Variants in PDS5B observed in about 807,000 individuals in gnomAD.
PDS5B encodes the protein sister chromatid cohesion protein PDS5 homolog B.
In PDS5B, 51 loss-of-function variants were observed where a neutral mutation model predicts 184.1. That is an observed-to-expected ratio of 0.28 (90% CI 0.22 to 0.35). The LOEUF (loss-of-function observed/expected upper bound fraction) is 0.35, where lower values mean the gene tolerates loss of function less well. Ranked by LOEUF, PDS5B falls within the 10% of genes least tolerant of loss-of-function variation. PDS5B has a pLI of 1.00. For synonymous variants in PDS5B, 566 were observed against 569.2 expected (o/e 0.99, Z 0.08); for missense variants, 1,180 against 1,723.3 (o/e 0.68, Z 5.58).
chr13:32,617,283 T>G (rs938941759), intron 1 of PDS5B, among the ~76,000 whole-genome samples: 2 of 152,242 alleles, frequency 1.3e-5, no homozygotes, highest in Non-Finnish European at 2.9e-5. Context: ...CTTACAGAGT[T>G]GCTTGTTAGT....
At chr13:32,681,572 C>T (rs1264019092) in intron 10 of PDS5B, among the ~76,000 whole-genome samples, 3 of 151,218 alleles carry the variant, frequency 2.0e-5, no homozygotes, top group African/African-American at 2.4e-5. Flanking sequence ...TGCAGTAAGC[C>T]GAGAGATCGC....
intron 1 of PDS5B, among the ~76,000 whole-genome samples, chr13:32,630,883 C>T (rs1205441985): frequency 6.6e-6 from 1 of 151,124 alleles, no homozygotes; most frequent in African/African-American, 2.4e-5. Context: ...CTCCTGGATT[C>T]AAGTCATTCT....
chr13:32,602,489 G>A (rs1263424210), intron 1 of PDS5B, among the ~76,000 whole-genome samples: 1 of 152,144 alleles, frequency 6.6e-6, no homozygotes, highest in East Asian at 1.9e-4. Flanking sequence ...TCTTAATCCA[G>A]TCTATCTTTG....
At chr13:32,707,395 A>G (rs74045253) in intron 18 of PDS5B, among the ~76,000 whole-genome samples, 1 of 152,158 alleles carries the variant, frequency 6.6e-6, no homozygotes, top group African/African-American at 2.4e-5. Flanking sequence ...GATTGTAAAA[A>G]TATTAATTCA....
intron 1 of PDS5B, among the ~76,000 whole-genome samples, chr13:32,605,029 C>G (rs958475449): frequency 3.3e-5 from 5 of 152,140 alleles, no homozygotes; most frequent in South Asian, 4.1e-4. Flanking sequence ...AAACCAGCTC[C>G]TGGATTCATT....
chr13:32,765,595 TTTTTGTTTTG>T (rs202036157), intron 31 of PDS5B, among the ~76,000 whole-genome samples: 2 of 152,156 alleles, frequency 1.3e-5, no homozygotes, highest in Non-Finnish European at 2.9e-5. Flanking sequence ...GAATTATTCT[TTTTTGTTTTG>T]TTTTGTTTTG....
chr13:32,703,303 T>C (rs1480836667), intron 17 of PDS5B, among the ~76,000 whole-genome samples: 1 of 152,180 alleles, frequency 6.6e-6, no homozygotes, highest in African/African-American at 2.4e-5. Flanking sequence ...GACTAGGTTA[T>C]TGTAATGTTT....
chr13:32,742,585 A>T lies in PDS5B; in HGVS notation c.2476-6A>T. ...TGTTTTATTTGTCGACTTGTCTCTT[A>T]AATAGATTCAGGCTATTAAAATGAT... On this transcript the variant is annotated splice_polypyrimidine_tract_variant and splice_region_variant and intron_variant, in intron 22 of 34. Coordinates refer to ENST00000315596, the MANE Select transcript of PDS5B (RefSeq NM_015032.4). The T allele has an allele frequency of 6.2e-7, 1 of 1,606,014 alleles. No homozygotes were observed. The highest frequency in any genetic ancestry group is 8.5e-7 in the Non-Finnish European group (1 of 1,175,934).
At chr13:32,673,445 CTGAA>C in intron 8 of PDS5B, 89 bp downstream of exon 8, 1 of 1,089,152 alleles carries the variant, frequency 9.2e-7, no homozygotes, top group South Asian at 1.5e-5. Context: ...GTAGTTTTAA[CTGAA>C]TGTAAGAGAT....
At chr13:32,774,517 A>C (rs1204010553) in intron 34 of PDS5B, among the ~76,000 whole-genome samples, 2 of 152,196 alleles carry the variant, frequency 1.3e-5, no homozygotes, top group Non-Finnish European at 2.9e-5. Flanking sequence ...ACATTTTTTG[A>C]ACTAAAGTTT....
chr13:32,614,401 G>A (rs893521291), intron 1 of PDS5B, among the ~76,000 whole-genome samples: 2 of 151,614 alleles, frequency 1.3e-5, no homozygotes, highest in Non-Finnish European at 2.9e-5. Context: ...GGGTTCAGGC[G>A]ATTCTCATGC....
At chr13:32,594,297 C>T (rs892791384) in intron 1 of PDS5B, among the ~76,000 whole-genome samples, 11 of 152,142 alleles carry the variant, frequency 7.2e-5, no homozygotes, top group Non-Finnish European at 1.2e-4. Flanking sequence ...AGTCCATTTA[C>T]ATAGTTTTAG....
At chr13:32,606,233 C>T (rs1744757373) in intron 1 of PDS5B, among the ~76,000 whole-genome samples, 1 of 152,184 alleles carries the variant, frequency 6.6e-6, no homozygotes, top group Non-Finnish European at 1.5e-5. Flanking sequence ...TTTAGTGCTT[C>T]CTTCAGGAGC....
chr13:32,609,900 G>GA lies in PDS5B; in HGVS notation c.-20+23319dup, dbSNP rs113024952. Among the ~76,000 whole-genome samples, 764 of 132,148 alleles carry GA rather than the reference G, an allele frequency of 5.8e-3. 4 individuals are homozygous for GA. The highest frequency in any genetic ancestry group is 0.016 in the Middle Eastern group (4 of 254). The allele number at this position is 132,148 out of a possible 152,430, so 86.7% of individuals were successfully genotyped here. A position where few individuals can be genotyped will look rare whatever the true frequency, so the allele number is the denominator to read the frequency against. The stretch of plus-strand genomic sequence containing the variant: ...AATTGTGGGGATGGGAAGAAAAAAA[G>GA]AAAAAAAAAAAACAAAAAAATGAGA... On this transcript the variant is annotated intron_variant, in intron 1 of 34. Transcript: ENST00000315596.
intron 17 of PDS5B, among the ~76,000 whole-genome samples, chr13:32,704,776 A>G (rs1257432230): frequency 6.6e-6 from 1 of 152,204 alleles, no homozygotes; most frequent in Admixed American, 6.5e-5. Flanking sequence ...GAGACTTAGT[A>G]TGTACCTGTG....
intron 19 of PDS5B, among the ~76,000 whole-genome samples, chr13:32,724,794 G>A (rs563994234): frequency 2.0e-5 from 3 of 152,108 alleles, no homozygotes; most frequent in South Asian, 2.1e-4. Context: ...TTGCCCAGTC[G>A]GTCTCGAACT....
intron 1 of PDS5B, among the ~76,000 whole-genome samples, chr13:32,600,407 G>T (rs1458473968): frequency 6.6e-6 from 1 of 152,018 alleles, no homozygotes; most frequent in African/African-American, 2.4e-5. Flanking sequence ...TGAATTTTTG[G>T]AACCTTGGTC....
chr13:32,627,299 G>A (rs1050666167), intron 1 of PDS5B, among the ~76,000 whole-genome samples: 19 of 152,208 alleles, frequency 1.2e-4, no homozygotes, highest in African/African-American at 3.9e-4. Context: ...TAATTAAGCA[G>A]ATGGATGCTA....
At chr13:32,593,632 C>T (rs558849365) in intron 1 of PDS5B, among the ~76,000 whole-genome samples, 35 of 152,320 alleles carry the variant, frequency 2.3e-4, no homozygotes, top group Non-Finnish European at 3.1e-4. Flanking sequence ...TGAGCCACTA[C>T]GCCTGGCCTC....
Sources: gnomAD v4.1 joint callset for allele counts (sites outside exome capture counted in the v4.1 genomes callset) on GRCh38, gnomAD v4.1.1 for gene constraint, MANE v1.5 for transcripts, NCBI Gene and HGNC (gene_info 2026-07-23, HGNC 2026-07-21) for gene names.